The following VGLL4 variants were observed in gnomAD, a reference collection of about 807,000 sequenced individuals.
The protein encoded by VGLL4 is transcription cofactor vestigial-like protein 4.
In VGLL4, 7 loss-of-function variants were observed where a neutral mutation model predicts 21.0. The ratio of observed to expected loss-of-function variants is 0.33; its 90% CI spans 0.19 to 0.63. VGLL4 has a LOEUF of 0.63. Ranked by LOEUF, VGLL4 falls within the 20% of genes least tolerant of loss-of-function variation. The pLI, the probability that VGLL4 is intolerant of heterozygous loss-of-function variation, is 0.78. For synonymous variants in VGLL4, 222 were observed against 173.2 expected, an observed-to-expected ratio of 1.28 and a Z score of -2.21; for missense variants, 394 against 425.7, an observed-to-expected ratio of 0.93 and a Z score of 0.66.
At position 11,568,709 on chromosome 3, in the gene VGLL4, C is replaced by A; in HGVS notation, c.273-3690G>T. 1 of 1,548,664 alleles carries A rather than the reference C, an allele frequency of 6.5e-7. No individual in the cohort carries two copies. The highest frequency in any genetic ancestry group is 1.2e-5 in the South Asian group (1 of 83,770). ...CTCCCGGCCACTGCTTCCCAGGCGT[C>A]ATGTGCTCCCGGGGACGGCAGAAAA... On this transcript the variant is annotated intron_variant, in intron 2 of 4. Coordinates refer to ENST00000430365, the MANE Select transcript of VGLL4 (RefSeq NM_001128219.3). This position sits in a 1 kb window ranked among gnomAD's most constrained non-coding sequence, Gnocchi z 5.9.
intron 2 of VGLL4, among the ~76,000 whole-genome samples, chr3:11,593,453 A>C (rs2074553398): frequency 6.6e-6 from 1 of 152,182 alleles, no homozygotes; most frequent in African/African-American, 2.4e-5. Context: ...CCAGCACCTG[A>C]TTTCAAAGGC....
intron 2 of VGLL4, among the ~76,000 whole-genome samples, chr3:11,692,889 C>T (rs1475598559): frequency 6.6e-6 from 1 of 152,126 alleles, no homozygotes; most frequent in East Asian, 1.9e-4. Flanking sequence ...TGAAAATAGG[C>T]CAGGCGCAGG....
chr3:11,595,843 G>GA (rs1266926989), intron 2 of VGLL4, among the ~76,000 whole-genome samples: 3 of 24,342 alleles, frequency 1.2e-4, no homozygotes, highest in Admixed American at 5.7e-4. Context: ...TTGTGGTGTG[G>GA]GGGGGGCGGG....
intron 2 of VGLL4, among the ~76,000 whole-genome samples, chr3:11,582,923 C>T (rs567520132): frequency 6.6e-6 from 1 of 152,312 alleles, no homozygotes; most frequent in South Asian, 2.1e-4. Context: ...CTCAGGCTGC[C>T]ACAGATGGTG....
At chr3:11,624,921 T>G (rs1177251845) in intron 1 of VGLL4, among the ~76,000 whole-genome samples, 2 of 152,282 alleles carry the variant, frequency 1.3e-5, no homozygotes, top group Admixed American at 1.3e-4. Context: ...ACGATCACGC[T>G]CTGAGAGGCC....
intron 1 of VGLL4, among the ~76,000 whole-genome samples, chr3:11,704,383 CAAAAAAAAAAAAA>C (rs57593843): frequency 1.0e-4 from 7 of 69,168 alleles, no homozygotes; most frequent in Middle Eastern, 0.011. Flanking sequence ...AACTCCGTCT[CAAAAAAAAAAAAA>C]AAAAAAAAAG....
At chr3:11,681,942 CA>C (rs929160473) in intron 2 of VGLL4, among the ~76,000 whole-genome samples, 1 of 152,170 alleles carries the variant, frequency 6.6e-6, no homozygotes, top group Non-Finnish European at 1.5e-5. Flanking sequence ...GGCATAAAGA[CA>C]AAGTGGGACA....
chr3:11,633,186 A>T (rs1482808482), intron 1 of VGLL4: 2 of 152,240 alleles, frequency 1.3e-5, no homozygotes, highest in Non-Finnish European at 2.9e-5. Context: ...TAGTCAAAAG[A>T]CACTGGAGTC....
chr3:11,680,678 T>G (rs2076355513), intron 2 of VGLL4, among the ~76,000 whole-genome samples: 1 of 152,108 alleles, frequency 6.6e-6, no homozygotes, highest in East Asian at 1.9e-4. Flanking sequence ...CACGACTCAC[T>G]CCAGACAGTC....
chr3:11,604,259 A>G (rs2074878190), intron 1 of VGLL4: 1 of 545,974 alleles, frequency 1.8e-6, no homozygotes, highest in Admixed American at 7.2e-5. Flanking sequence ...GAAGGAGCCC[A>G]GGAAGCACGG....
chr3:11,678,400 A>G (rs550068262), intron 2 of VGLL4, among the ~76,000 whole-genome samples: 21 of 152,316 alleles, frequency 1.4e-4, no homozygotes, highest in African/African-American at 4.8e-4. Context: ...TGCCTCTCTG[A>G]CCCACAGCTA....
At chr3:11,567,687 C>G (rs1251444271) in intron 2 of VGLL4, among the ~76,000 whole-genome samples, 2 of 152,234 alleles carry the variant, frequency 1.3e-5, no homozygotes, top group Non-Finnish European at 2.9e-5. Context: ...AGAAGACCTT[C>G]CGCGGAACGG....
intron 1 of VGLL4, among the ~76,000 whole-genome samples, chr3:11,622,417 C>T (rs201490852): frequency 6.7e-6 from 1 of 148,748 alleles, no homozygotes; most frequent in South Asian, 2.2e-4. Context: ...ATGGTTTTTA[C>T]AAAAAAAAAA....
rs1368887197 is a variant in VGLL4 at position 11,568,600 on chromosome 3, C to T, written c.273-3581G>A. On this transcript the variant is annotated intron_variant, in intron 2 of 4. Transcript: ENST00000430365. The surrounding 1 kb of genome is among the most constrained non-coding windows in gnomAD (Gnocchi z 5.9). Reference sequence around the variant, plus strand: ...TTAATTTTAGTAAAATTATACATTACTCACATTTCCAGCTCATTTTCCTGG... The same window carrying T: ...TTAATTTTAGTAAAATTATACATTATTCACATTTCCAGCTCATTTTCCTGG... 2 of 1,566,352 alleles carry T rather than the reference C, an allele frequency of 1.3e-6. No homozygotes were observed. Among genetic ancestry groups the T allele is most frequent in the African/African-American group, 1.4e-5 (1 of 73,866 alleles).
intron 2 of VGLL4, among the ~76,000 whole-genome samples, chr3:11,584,070 T>C (rs1283735764): frequency 1.3e-5 from 2 of 152,220 alleles, no homozygotes; most frequent in Non-Finnish European, 2.9e-5. Flanking sequence ...AAATAAAAGA[T>C]TTAATGATTT....
chr3:11,574,785 ATGTG>A (rs375691226), intron 2 of VGLL4, among the ~76,000 whole-genome samples: 4,647 of 121,644 alleles, frequency 0.038, 64 homozygotes, highest in Middle Eastern at 0.067. Flanking sequence ...TCAACTATAT[ATGTG>A]TGTGTGTGTG....
intron 2 of VGLL4, among the ~76,000 whole-genome samples, chr3:11,599,225 C>A (rs556912500): frequency 6.6e-6 from 1 of 152,014 alleles, no homozygotes; most frequent in African/African-American, 2.4e-5. Flanking sequence ...CCTAACCACA[C>A]GCCAATCGCC....
intron 2 of VGLL4, among the ~76,000 whole-genome samples, chr3:11,576,789 A>G (rs2074063128): frequency 6.6e-6 from 1 of 152,236 alleles, no homozygotes; most frequent in African/African-American, 2.4e-5. Context: ...AGTGGAGGGC[A>G]GGACCCACTG....
rs544213017 is a variant in VGLL4, at chr3:11,565,084, G to A, written c.273-65C>T. On this transcript the variant is annotated intron_variant, in intron 2 of 4. Transcript: ENST00000430365. This position sits in a 1 kb window ranked among gnomAD's most constrained non-coding sequence, Gnocchi z 4.1. ...AAGGCAAAGGGGACAGTGACTGTGCGCCAGGCACTCCGTGTTGCTTATTTA... is the reference window on the plus strand; with the variant it reads ...AAGGCAAAGGGGACAGTGACTGTGCACCAGGCACTCCGTGTTGCTTATTTA... The A allele has an allele frequency of 9.3e-5, 127 of 1,361,014 alleles. No individual in the cohort carries two copies. The African/African-American group carries it at 1.3e-3, about 14-fold the overall frequency. The allele number at this position is 1,361,014 out of a possible 1,614,324, so 84.3% of individuals were successfully genotyped here. A position where few individuals can be genotyped will look rare whatever the true frequency, so the allele number is the denominator to read the frequency against.
Sources: allele counts gnomAD v4.1 joint callset (sites outside exome capture counted in the v4.1 genomes callset), GRCh38; gene constraint gnomAD v4.1.1; non-coding constraint Gnocchi (gnomAD v3.1); transcripts MANE v1.5; gene names NCBI Gene and HGNC (gene_info 2026-07-23, HGNC 2026-07-21).